The following VPS54 variants were observed in gnomAD, a reference collection of about 807,000 sequenced individuals.
VPS54 encodes the protein vacuolar protein sorting-associated protein 54.
Under a neutral mutation model 121.5 loss-of-function variants are expected in VPS54, and 45 were observed. The observed-to-expected ratio is 0.37, with a 90% CI of 0.29 to 0.47. VPS54 has a LOEUF of 0.47. VPS54 is among the 20% of genes least tolerant of loss of function. VPS54 has a pLI of 0.99. For synonymous variants in VPS54, 371 were observed against 385.8 expected (o/e 0.96, Z 0.45); for missense variants, 1,090 against 1,131.4 (o/e 0.96, Z 0.52).
chr2:63,941,622 C>G (rs565523573), intron 11 of VPS54, among the ~76,000 whole-genome samples: 9 of 152,086 alleles, frequency 5.9e-5, no homozygotes, highest in Non-Finnish European at 1.0e-4. Flanking sequence ...GTGACCTGTT[C>G]TTTTTGTTAT....
At chr2:63,897,104 C>T (rs1672476874) in intron 22 of VPS54, among the ~76,000 whole-genome samples, 1 of 152,024 alleles carries the variant, frequency 6.6e-6, no homozygotes, top group Non-Finnish European at 1.5e-5. Flanking sequence ...TTTTTCATAA[C>T]CCTGTGAAAG....
At chr2:63,985,725 G>C (rs1236139203) in intron 1 of VPS54, among the ~76,000 whole-genome samples, 1 of 148,118 alleles carries the variant, frequency 6.8e-6, no homozygotes, top group Non-Finnish European at 1.5e-5. Flanking sequence ...ACACAGTATA[G>C]TTAAATTGTA....
chr2:64,011,200 G>C (rs1678411896), intron 1 of VPS54, among the ~76,000 whole-genome samples: 1 of 152,096 alleles, frequency 6.6e-6, no homozygotes, highest in Non-Finnish European at 1.5e-5. Flanking sequence ...TTTAAGTCTA[G>C]ATATTATTCC....
At chr2:63,956,374 C>T (rs1257406330) in intron 7 of VPS54, among the ~76,000 whole-genome samples, 1 of 152,084 alleles carries the variant, frequency 6.6e-6, no homozygotes, top group African/African-American at 2.4e-5. Context: ...GAGTGTTTTG[C>T]ATCTTTTCTT....
rs149647122 is a variant in VPS54 at position 63,935,517 on chromosome 2, C to A, written c.1399-1504G>T. ...GCGTCTTTTTCCTTATCTCTTCTGT[C>A]TTGCTAATTTTCTTTCTTAACTTTT... is the stretch of plus-strand genomic sequence containing the variant. On this transcript the variant is annotated intron_variant, in intron 11 of 22. Transcript: ENST00000272322. Among the ~76,000 whole-genome samples, 25 of 152,190 alleles carry A rather than the reference C, an allele frequency of 1.6e-4. No individual in the cohort carries two copies. The East Asian group carries it at 4.8e-3, about 29-fold the overall frequency.
intron 22 of VPS54, among the ~76,000 whole-genome samples, chr2:63,896,515 CA>C (rs1486744774): frequency 6.6e-6 from 1 of 152,114 alleles, no homozygotes; most frequent in Non-Finnish European, 1.5e-5. Flanking sequence ...AAAGAAGAAT[CA>C]GATAATAAGA....
At chr2:63,928,257 CAGAG>C (rs1340888397) in intron 12 of VPS54, among the ~76,000 whole-genome samples, 2 of 152,118 alleles carry the variant, frequency 1.3e-5, no homozygotes, top group Non-Finnish European at 2.9e-5. Context: ...TAAGGGCAGC[CAGAG>C]AGAAAGGTCA....
intron 1 of VPS54, among the ~76,000 whole-genome samples, chr2:64,005,279 A>G (rs1330454951): frequency 6.8e-6 from 1 of 146,970 alleles, no homozygotes; most frequent in Non-Finnish European, 1.5e-5. Context: ...AATTTTTTGT[A>G]TTTTTAGTAG....
In VPS54 at chr2:63,921,897, T is replaced by G. The variant is rs529708473; in HGVS notation, c.1740-562A>C. Reference sequence around the variant, plus strand: ...CTGCAGAAACTATAGCAAAATTAAATTTTTAGATTAGGTACAAGGTAGTAG... The same window carrying G: ...CTGCAGAAACTATAGCAAAATTAAAGTTTTAGATTAGGTACAAGGTAGTAG... On this transcript the variant is annotated intron_variant, in intron 12 of 22. Transcript: ENST00000272322. Among the ~76,000 whole-genome samples, 6 of 152,356 alleles carry G rather than the reference T, an allele frequency of 3.9e-5. No individual in the cohort carries two copies. The South Asian group carries it at 8.3e-4, about 21-fold the overall frequency.
At chr2:63,997,125 A>AG (rs757865872) in intron 1 of VPS54, among the ~76,000 whole-genome samples, 1 of 152,202 alleles carries the variant, frequency 6.6e-6, no homozygotes, top group Non-Finnish European at 1.5e-5. Context: ...GTTGAAATAC[A>AG]GGGGGCTGGT....
intron 4 of VPS54, 107 bp from the exon 5 acceptor site, chr2:63,969,098 C>T: frequency 1.1e-6 from 1 of 888,640 alleles, no homozygotes; most frequent in East Asian, 2.7e-5. Context: ...ATCCAAATAA[C>T]TAAAGTTTAT....
intron 1 of VPS54, among the ~76,000 whole-genome samples, chr2:64,012,567 G>A (rs1463617770): frequency 6.7e-6 from 1 of 150,328 alleles, no homozygotes; most frequent in African/African-American, 2.4e-5. Context: ...GAGTATAGGT[G>A]TCTACTCTTT....
chr2:63,923,440 G>GT (rs1673742784), intron 12 of VPS54, among the ~76,000 whole-genome samples: 1 of 151,950 alleles, frequency 6.6e-6, no homozygotes, highest in African/African-American at 2.4e-5. Context: ...AAATAACAAA[G>GT]TAAGATCTCT....
At chr2:63,897,684 C>A in intron 21 of VPS54, 94 bp from the exon 22 acceptor site, 1 of 738,178 alleles carries the variant, frequency 1.4e-6, no homozygotes, top group Admixed American at 3.4e-5. Context: ...TTTTTAAAAA[C>A]CAAAACCTTT....
At chr2:63,979,557 C>A (rs67247064) in intron 3 of VPS54, among the ~76,000 whole-genome samples, 49,135 of 151,986 alleles carry the variant, frequency 0.32, 8,378 homozygotes, top group Non-Finnish European at 0.36. Flanking sequence ...CCAGCTTCTT[C>A]AGGTGGAAGC....
intron 1 of VPS54, among the ~76,000 whole-genome samples, chr2:64,003,624 C>G (rs1677988453): frequency 6.6e-6 from 1 of 151,648 alleles, no homozygotes; most frequent in Non-Finnish European, 1.5e-5. Context: ...TCAGAACAGA[C>G]AGACAAAACA....
rs185802996 is a variant in VPS54 at position 63,902,411 on chromosome 2, A to G, written c.2626-2830T>C. Among the ~76,000 whole-genome samples the G allele has an allele frequency of 1.7e-4, 26 of 152,356 alleles. No individual in the cohort carries two copies. In the East Asian group the frequency reaches 5.0e-3, roughly 29 times the overall value. ...AGGGTAACAGCAGCAACAACAAAACAGACACCTAGCTTGGTTATTGAATAA... is the reference window on the plus strand; with the variant it reads ...AGGGTAACAGCAGCAACAACAAAACGGACACCTAGCTTGGTTATTGAATAA... On this transcript the variant is annotated intron_variant, in intron 20 of 22. Transcript: ENST00000272322.
chr2:63,936,174 T>C (rs372341288), intron 11 of VPS54, among the ~76,000 whole-genome samples: 7 of 152,180 alleles, frequency 4.6e-5, no homozygotes, highest in East Asian at 3.8e-4. Flanking sequence ...TTTAATAACA[T>C]CTTCGCTTAT....
At chr2:63,929,420 G>A (rs1353296869) in intron 12 of VPS54, among the ~76,000 whole-genome samples, 3 of 152,128 alleles carry the variant, frequency 2.0e-5, no homozygotes, top group Non-Finnish European at 4.4e-5. Flanking sequence ...TGACTACTGG[G>A]TAAATAACAA....
Sources: gnomAD v4.1 joint callset for allele counts (sites outside exome capture counted in the v4.1 genomes callset) on GRCh38, gnomAD v4.1.1 for gene constraint, MANE v1.5 for transcripts, NCBI Gene and HGNC (gene_info 2026-07-23, HGNC 2026-07-21) for gene names.